The following PTPRB variants were observed in gnomAD, a reference collection of about 807,000 sequenced individuals.
PTPRB encodes the protein protein tyrosine phosphatase receptor type B.
In PTPRB, 97 loss-of-function variants were observed where a neutral mutation model predicts 238.1. The observed-to-expected ratio is 0.41, with a 90% CI of 0.35 to 0.48. PTPRB has a LOEUF of 0.48. Ranked by LOEUF, PTPRB falls within the 20% of genes least tolerant of loss-of-function variation. PTPRB has a pLI of 0.30. For synonymous variants in PTPRB, 970 were observed against 995.4 expected, an observed-to-expected ratio of 0.97 and a Z score of 0.48; for missense variants, 2,292 against 2,681.9, an observed-to-expected ratio of 0.85 and a Z score of 3.21.
rs904942702 is a variant in PTPRB, at chr12:70,560,155, A to G, written c.4432+516T>C. ...CCCAGCCTCATATACCTTTTCTTAA[A>G]TATTCATAGCCAGATCTTCCTTACC... On this transcript the variant is annotated intron_variant, in intron 17 of 33. Coordinates refer to ENST00000334414, the MANE Select transcript of PTPRB (RefSeq NM_001109754.4). The surrounding 1 kb of genome is among the most constrained non-coding windows in gnomAD (Gnocchi z 4.2). Among the ~76,000 whole-genome samples, 1 of 152,122 alleles carries G rather than the reference A, an allele frequency of 6.6e-6. No homozygotes were observed. The highest frequency in any genetic ancestry group is 1.5e-5 in the Non-Finnish European group (1 of 68,032).
rs1878389027 is a variant in PTPRB, at chr12:70,560,795, G to C, written c.4308C>G (p.Asn1436Lys). ...LYNPNGTKKENWKDKDLTEWR... is the reference protein window; with the variant it reads ...LYNPNGTKKEKWKDKDLTEWR... ...ACTCCGTCAGGTCCTTGTCTTTCCA[G>C]TTTTCCTTCTTTGTGCCATTGGGAT... The change falls in exon 17 of 34, where the codon AAC becomes AAG. Residue 1436 changes from asparagine (N) to lysine (K), a missense_variant. Asn to Lys is a moderately conservative substitution (Grantham distance 94, BLOSUM62 0). Transcript: ENST00000334414. The surrounding 1 kb of genome is among the most constrained non-coding windows in gnomAD (Gnocchi z 4.2). 1 of 1,613,816 alleles carries C rather than the reference G, an allele frequency of 6.2e-7. No individual in the cohort carries two copies. The highest frequency in any genetic ancestry group is 1.7e-5 in the Admixed American group (1 of 59,998).
At chr12:70,601,258 C>T (rs1490612309) in intron 4 of PTPRB, among the ~76,000 whole-genome samples, 2 of 152,154 alleles carry the variant, frequency 1.3e-5, no homozygotes, top group African/African-American at 4.8e-5. Context: ...CCACCTTAGC[C>T]TCCCAAAGTG....
intron 3 of PTPRB, chr12:70,609,665 T>A: frequency 7.4e-7 from 1 of 1,360,310 alleles, no homozygotes; most frequent in Non-Finnish European, 1.0e-6. Flanking sequence ...ACCTCCCTCT[T>A]CAAAGCACAA....
intron 32 of PTPRB, among the ~76,000 whole-genome samples, chr12:70,530,182 T>C (rs1468969140): frequency 4.6e-5 from 7 of 152,182 alleles, no homozygotes; most frequent in Admixed American, 4.6e-4. Context: ...AATATAGTTT[T>C]TTATAAAAAG....
intron 20 of PTPRB, among the ~76,000 whole-genome samples, chr12:70,553,361 A>C (rs993628055): frequency 6.6e-6 from 1 of 152,188 alleles, no homozygotes; most frequent in Non-Finnish European, 1.5e-5. Flanking sequence ...CCCACTTGAT[A>C]AACTATCTTG....
At chr12:70,529,899 A>T (rs1190639891) in intron 32 of PTPRB, among the ~76,000 whole-genome samples, 1 of 152,078 alleles carries the variant, frequency 6.6e-6, no homozygotes, top group Non-Finnish European at 1.5e-5. Context: ...TGAAGCATTG[A>T]GTTTAATCAG....
chr12:70,576,828 A>C (rs571082742), intron 10 of PTPRB, among the ~76,000 whole-genome samples, 183 bp from the exon 11 acceptor site: 6 of 152,234 alleles, frequency 3.9e-5, no homozygotes, highest in Admixed American at 1.3e-4. Flanking sequence ...CCAGAAGCTG[A>C]GTGTTCTTAC....
At chr12:70,544,413 GA>G in intron 22 of PTPRB, 143 bp downstream of exon 22, 1 of 619,444 alleles carries the variant, frequency 1.6e-6, no homozygotes, top group Middle Eastern at 2.5e-4. Flanking sequence ...CAATCCCTTT[GA>G]TCCACATCAA....
Position 70,609,164 on chromosome 12 carries a change from G to A in PTPRB, c.884C>T (p.Thr295Ile). 1.2e-6 allele frequency: 2 copies of A among 1,614,034 alleles called. No homozygotes were observed. Among genetic ancestry groups the A allele is most frequent in the Non-Finnish European group, 1.7e-6 (2 of 1,179,890 alleles). Residue 295 changes from threonine (T) to isoleucine (I), a missense_variant, in exon 4 of 34, where the codon ACA becomes ATA. By Grantham distance (89) the Thr-to-Ile change is moderately conservative. Around this residue, in one of 4 missense-constraint regions of PTPRB, gnomAD observed 1,205 missense variants for 1,287.8 expected, o/e 0.94. Transcript: ENST00000334414. ...TAAATCTTGAAGGTTACATCCGTAT[G>A]TGGTGTTGTCTATCCGAAAGGTAGG... ...LCPTFRIDNTTYGCNLQDLQA... is the reference protein window; with the variant it reads ...LCPTFRIDNTIYGCNLQDLQA...
At chr12:70,530,426 TAG>T (rs1281733955) in intron 32 of PTPRB, among the ~76,000 whole-genome samples, 1 of 152,160 alleles carries the variant, frequency 6.6e-6, no homozygotes, top group African/African-American at 2.4e-5. Flanking sequence ...TGTACACATA[TAG>T]GTGTATACAT....
chr12:70,580,996 G>A (rs768967159), intron 10 of PTPRB, 40 bp downstream of exon 10: 1 of 1,593,438 alleles, frequency 6.3e-7, no homozygotes, highest in Non-Finnish European at 8.6e-7. Context: ...CATGTACTCA[G>A]ATCTTAGTTA....
At chr12:70,525,945 A>G (rs1389218684) in intron 32 of PTPRB, among the ~76,000 whole-genome samples, 2 of 152,202 alleles carry the variant, frequency 1.3e-5, no homozygotes, top group Non-Finnish European at 2.9e-5. Flanking sequence ...TCAGACAGAT[A>G]GATATTGAAA....
intron 10 of PTPRB, among the ~76,000 whole-genome samples, chr12:70,577,573 AC>A (rs960954259): frequency 3.9e-5 from 6 of 152,124 alleles, no homozygotes; most frequent in Non-Finnish European, 8.8e-5. Context: ...GTATATATGA[AC>A]TACACTACTG....
chr12:70,573,975 T>G (rs1880411042), intron 11 of PTPRB, among the ~76,000 whole-genome samples: 2 of 152,196 alleles, frequency 1.3e-5, no homozygotes, highest in Non-Finnish European at 2.9e-5. Flanking sequence ...GATTTCATTT[T>G]TCCATTTGGG....
At chr12:70,606,743 C>A (rs1883980435) in intron 4 of PTPRB, among the ~76,000 whole-genome samples, 1 of 152,138 alleles carries the variant, frequency 6.6e-6, no homozygotes, top group South Asian at 2.1e-4. Flanking sequence ...ACTAAGTGAA[C>A]AATTCACATA....
intron 3 of PTPRB, among the ~76,000 whole-genome samples, chr12:70,612,920 G>A (rs1166996983): frequency 6.6e-6 from 1 of 152,142 alleles, no homozygotes; most frequent in Non-Finnish European, 1.5e-5. Flanking sequence ...CCAGGACGCA[G>A]AGGTTGCCAT....
chr12:70,535,881 T>G (rs1407286080), intron 29 of PTPRB, 144 bp downstream of exon 29: 7 of 984,638 alleles, frequency 7.1e-6, no homozygotes, highest in Non-Finnish European at 8.9e-6. Context: ...TATTAGAGTC[T>G]TTTGAACAGA....
chr12:70,598,738 A>T (rs1883236331), intron 4 of PTPRB, among the ~76,000 whole-genome samples: 1 of 151,688 alleles, frequency 6.6e-6, no homozygotes. Flanking sequence ...AGGGATCAAT[A>T]CTATCATCTA....
At chr12:70,590,853 C>T (rs1415955256) in intron 7 of PTPRB, among the ~76,000 whole-genome samples, 1 of 151,740 alleles carries the variant, frequency 6.6e-6, no homozygotes, top group African/African-American at 2.4e-5. Flanking sequence ...GTCCCCTCCA[C>T]CCCAAAAGCT....
Sources: gnomAD v4.1 joint callset for allele counts (sites outside exome capture counted in the v4.1 genomes callset) on GRCh38, gnomAD v4.1.1 for gene constraint, gnomAD v4.1.1 regional missense constraint, Gnocchi (gnomAD v3.1) non-coding constraint, MANE v1.5 for transcripts, NCBI Gene and HGNC (gene_info 2026-07-23, HGNC 2026-07-21) for gene names.